The following ETFA variants were observed in gnomAD, a reference collection of about 807,000 sequenced individuals.
The protein encoded by ETFA is electron transfer flavoprotein subunit alpha.
A neutral mutation model predicts 46.2 loss-of-function variants in ETFA; 22 were observed. The observed-to-expected ratio is 0.48, with a 90% CI of 0.34 to 0.68. ETFA has a LOEUF of 0.68. Among genes scored for constraint, ETFA ranks in the 30% least tolerant of loss-of-function variants. The probability of loss-of-function intolerance (pLI) is 0.01; values close to 1 mark genes in which losing one functional copy is unlikely to be tolerated. For synonymous variants in ETFA, 131 were observed against 139.9 expected, an observed-to-expected ratio of 0.94 and a Z score of 0.45; for missense variants, 345 against 401.1, an observed-to-expected ratio of 0.86 and a Z score of 1.19.
At chr15:76,262,673 G>A (rs60060261) in intron 9 of ETFA, among the ~76,000 whole-genome samples, 5,912 of 151,632 alleles carry the variant, frequency 0.039, 353 homozygotes, top group African/African-American at 0.13. Flanking sequence ...CAGTAGAGAC[G>A]GGGTTTCACC....
intron 1 of ETFA, among the ~76,000 whole-genome samples, chr15:76,303,542 G>GT (rs1427989496): frequency 6.6e-6 from 1 of 151,572 alleles, no homozygotes; most frequent in African/African-American, 2.4e-5. Flanking sequence ...CTACAGAATG[G>GT]TAAAAAAAAA....
chr15:76,310,096 A>AAAAAAAAAAAAAAC (rs2039979242), intron 1 of ETFA: 2 of 150,250 alleles, frequency 1.3e-5, no homozygotes, highest in Non-Finnish European at 2.7e-5. Context: ...AAAAAAAAAA[A>AAAAAAAAAAAAAAC]TTAGCCAGGC....
At chr15:76,272,849 C>T (rs144792459) in intron 9 of ETFA, among the ~76,000 whole-genome samples, 1 of 139,818 alleles carries the variant, frequency 7.2e-6, no homozygotes, top group Non-Finnish European at 1.5e-5. Context: ...TGTGCTAGAG[C>T]TCATTAAATG....
At chr15:76,239,210 ATTAT>A in intron 9 of ETFA, among the ~76,000 whole-genome samples, 1 of 152,178 alleles carries the variant, frequency 6.6e-6, no homozygotes, top group South Asian at 2.1e-4. Context: ...GTTGTCCAAA[ATTAT>A]ACACACCTAG....
intron 7 of ETFA, chr15:76,285,052 T>C (rs1355038800): frequency 4.1e-6 from 1 of 245,808 alleles, no homozygotes; most frequent in Admixed American, 5.6e-5. Context: ...GATGTTTAAT[T>C]GCAAGGATTT....
At chr15:76,282,131 G>A (rs145484464) in intron 8 of ETFA, among the ~76,000 whole-genome samples, 192 of 151,746 alleles carry the variant, frequency 1.3e-3, no homozygotes, top group Non-Finnish European at 2.2e-3. Context: ...CTCAAACTCC[G>A]GACCTCAGGT....
chr15:76,259,486 A>T lies in ETFA; in HGVS notation c.816+14926T>A. 1.3e-5 allele frequency: 11 copies of T among 859,680 alleles called. No homozygotes were observed. In the South Asian group the frequency reaches 1.4e-4, roughly 11 times the overall value. 53.3% of individuals were successfully genotyped at this position (859,680 alleles called of 1,614,324 possible). Reference sequence around the variant, plus strand: ...TTCAGGTGATTCCCGCCAATGAGGTAGTTGTAAATCTCAGTGTTTTCGATG... The same window carrying T: ...TTCAGGTGATTCCCGCCAATGAGGTTGTTGTAAATCTCAGTGTTTTCGATG... On this transcript the variant is annotated intron_variant, in intron 9 of 11. Transcript: ENST00000557943.
At chr15:76,270,541 GCAGTGA>G (rs1432987249) in intron 9 of ETFA, among the ~76,000 whole-genome samples, 1 of 152,176 alleles carries the variant, frequency 6.6e-6, no homozygotes, top group Admixed American at 6.5e-5. Flanking sequence ...TGTCATGGGA[GCAGTGA>G]CATTTCAATA....
chr15:76,264,719 T>C (rs943181700), intron 9 of ETFA, among the ~76,000 whole-genome samples: 1 of 152,220 alleles, frequency 6.6e-6, no homozygotes, highest in Non-Finnish European at 1.5e-5. Flanking sequence ...GTGATGGCAT[T>C]GGAGGTAACT....
intron 8 of ETFA, among the ~76,000 whole-genome samples, chr15:76,279,277 TTTA>T (rs1231517212): frequency 6.6e-6 from 1 of 152,042 alleles, no homozygotes; most frequent in African/African-American, 2.4e-5. Context: ...ACCTATGCCT[TTTA>T]TTATTTATTT....
rs532445803 is a variant in ETFA, at chr15:76,258,960, T to C, written c.816+15452A>G. The C allele has an allele frequency of 7.9e-5, 122 of 1,539,928 alleles. 1 individual carries two copies. In the East Asian group the frequency reaches 1.6e-3, roughly 21 times the overall value. On this transcript the variant is annotated intron_variant, in intron 9 of 11. Transcript: ENST00000557943. ...ACAGTGGCCATCAGAGCCAGCCAAA[T>C]TGCCCTGATGCCCTCTGCCTGTGAG...
intron 9 of ETFA, among the ~76,000 whole-genome samples, chr15:76,253,327 G>A (rs557192374): frequency 6.6e-6 from 1 of 151,934 alleles, no homozygotes; most frequent in African/African-American, 2.4e-5. Flanking sequence ...CAAAATTCAC[G>A]GCATCCTTTG....
chr15:76,222,263 AAAAAT>A (rs538298197), intron 11 of ETFA, among the ~76,000 whole-genome samples: 1,644 of 148,732 alleles, frequency 0.011, 9 homozygotes, highest in South Asian at 0.02. Context: ...TACAAAAAAT[AAAAAT>A]AAAATATTAA....
intron 5 of ETFA, among the ~76,000 whole-genome samples, chr15:76,287,514 G>A (rs1243651725): frequency 6.6e-6 from 1 of 152,116 alleles, no homozygotes; most frequent in Non-Finnish European, 1.5e-5. Flanking sequence ...AAGCAGCAAA[G>A]ATTGAGAATA....
chr15:76,261,495 C>T lies in ETFA; in HGVS notation c.816+12917G>A, dbSNP rs567060022. ...ACTGGATGTCAGGCTCCTCCATCCC[C>T]TCCATGCTGCAGCTGAGCTTTACCA... On this transcript the variant is annotated intron_variant, in intron 9 of 11. Transcript: ENST00000557943. 2.1e-4 allele frequency: 161 copies of T among 769,722 alleles called. No individual in the cohort carries two copies. In the African/African-American group the frequency reaches 2.4e-3, roughly 12 times the overall value. 47.7% of individuals were successfully genotyped at this position (769,722 alleles called of 1,614,324 possible).
At chr15:76,302,343 G>T (rs1200071393) in intron 1 of ETFA, among the ~76,000 whole-genome samples, 6 of 151,008 alleles carry the variant, frequency 4.0e-5, no homozygotes, top group African/African-American at 1.5e-4. Flanking sequence ...AACAAGAAAT[G>T]AGAATGACAT....
intron 1 of ETFA, among the ~76,000 whole-genome samples, chr15:76,304,827 A>G (rs994809144): frequency 3.3e-5 from 5 of 152,140 alleles, no homozygotes; most frequent in South Asian, 4.2e-4. Flanking sequence ...GGCAGATCAC[A>G]AGGTCAGGAG....
chr15:76,285,323 T>C (rs1290276019), intron 7 of ETFA, among the ~76,000 whole-genome samples: 1 of 152,188 alleles, frequency 6.6e-6, no homozygotes, highest in African/African-American at 2.4e-5. Context: ...CTATCTATAA[T>C]TGAGAAGCCA....
chr15:76,235,139 A>G (rs766315167), intron 9 of ETFA, among the ~76,000 whole-genome samples: 2 of 152,188 alleles, frequency 1.3e-5, no homozygotes, highest in African/African-American at 4.8e-5. Context: ...CACTGGAATT[A>G]TAAGAACTCC....
Sources: allele counts gnomAD v4.1 joint callset (sites outside exome capture counted in the v4.1 genomes callset), GRCh38; gene constraint gnomAD v4.1.1; transcripts MANE v1.5; gene names NCBI Gene and HGNC (gene_info 2026-07-23, HGNC 2026-07-21).